The following CLSTN1 variants were observed in gnomAD, a reference collection of about 807,000 sequenced individuals.
CLSTN1 encodes calsyntenin 1.
A neutral mutation model predicts 108.3 loss-of-function variants in CLSTN1; 28 were observed. That is an observed-to-expected ratio of 0.26 (90% confidence interval 0.19 to 0.35). CLSTN1 has a LOEUF of 0.35. Ranked by LOEUF, CLSTN1 falls within the 10% of genes least tolerant of loss-of-function variation. The pLI, the probability that CLSTN1 is intolerant of heterozygous loss-of-function variation, is 1.00. For synonymous variants in CLSTN1, 524 were observed against 534.9 expected (o/e 0.98, Z 0.28); for missense variants, 1,157 against 1,302.6 (o/e 0.89, Z 1.72).
Position 9,823,352 on chromosome 1 carries a change from G to A in CLSTN1, c.91+291C>T, listed in dbSNP as rs1291619191. ...CATGGGCTGCAGTGGGGGCAGCCCA[G>A]GCTCAGGAGCCCCGCCCGGGACGGA... On this transcript the variant is annotated intron_variant, in intron 1 of 18. Coordinates refer to ENST00000377298, the MANE Select transcript of CLSTN1 (RefSeq NM_001009566.3). This position sits in a 1 kb window ranked among gnomAD's most constrained non-coding sequence, Gnocchi z 6.3. 6.6e-6 allele frequency among the ~76,000 whole-genome samples: 1 copy of A among 152,168 alleles called. No individual in the cohort carries two copies. The highest frequency in any genetic ancestry group is 1.5e-5 in the Non-Finnish European group (1 of 68,004).
At chr1:9,808,198 G>C (rs551868190) in intron 1 of CLSTN1, among the ~76,000 whole-genome samples, 1 of 152,164 alleles carries the variant, frequency 6.6e-6, no homozygotes, top group African/African-American at 2.4e-5. Context: ...TCCCATATGC[G>C]GGTGTCACAG....
At chr1:9,752,589 G>T (rs866365484) in intron 4 of CLSTN1, among the ~76,000 whole-genome samples, 67 of 152,094 alleles carry the variant, frequency 4.4e-4, no homozygotes, top group African/African-American at 1.6e-3. Context: ...CTCAGGGCCG[G>T]GTGTGGTGGC....
rs754125933 is a variant in CLSTN1, at chr1:9,734,078, C to T, written c.2175G>A (p.Glu725=). The T allele has an allele frequency of 1.2e-6, 2 of 1,614,098 alleles. No homozygotes were observed. The highest frequency in any genetic ancestry group is 8.5e-7 in the Non-Finnish European group (1 of 1,180,050). Reference sequence around the variant, plus strand: ...CCTGCTCGTGGTTCAGCTCCTCTCCCTCCACCGTGACCTCACAGGTATCCA... The same window carrying T: ...CCTGCTCGTGGTTCAGCTCCTCTCCTTCCACCGTGACCTCACAGGTATCCA... ...HDLDTCEVTV[E]GEELNHEQES... The change falls in exon 15 of 19, where the codon GAG becomes GAA. Residue 725 remains glutamate, a synonymous_variant. Coordinates refer to ENST00000377298, the MANE Select transcript of CLSTN1 (RefSeq NM_001009566.3). The surrounding 1 kb of genome is among the most constrained non-coding windows in gnomAD (Gnocchi z 4.8).
intron 1 of CLSTN1, among the ~76,000 whole-genome samples, chr1:9,815,944 A>T (rs188106495): frequency 0.095 from 14,503 of 152,098 alleles, 892 homozygotes; most frequent in Non-Finnish European, 0.15. Context: ...TCAAAAAAAA[A>T]TTTTTTTAAT....
In CLSTN1 at chr1:9,779,855, C is replaced by CTTTTT. The variant is rs770514487; in HGVS notation, c.92-6466_92-6462dup. On this transcript the variant is annotated intron_variant, in intron 1 of 18. Transcript: ENST00000377298. ...TTGTTTGTTACCAATCTTTCACTTT[C>CTTTTT]TTTTTTTTTTTGAGATGGAGTCTCA... 3.8e-3 allele frequency among the ~76,000 whole-genome samples: 558 copies of CTTTTT among 146,676 alleles called. 11 individuals carry two copies. In the East Asian group the frequency reaches 0.042, roughly 11 times the overall value.
Position 9,735,760 on chromosome 1 carries a change from A to G in CLSTN1, c.1734+125T>C, listed in dbSNP as rs1376558597. On this transcript the variant is annotated intron_variant, in intron 12 of 18. Transcript: ENST00000377298. Reference sequence around the variant, plus strand: ...AGAAAAGCTCGTTTAAGTCCAGTGAACACAACTCTTTTACCCAACAGTAAA... The same window carrying G: ...AGAAAAGCTCGTTTAAGTCCAGTGAGCACAACTCTTTTACCCAACAGTAAA... The G allele has an allele frequency of 2.0e-6, 3 of 1,499,610 alleles. No individual in the cohort carries two copies. In the Admixed American group the frequency reaches 5.7e-5, roughly 28 times the overall value. The allele number at this position is 1,499,610 out of a possible 1,614,324, so 92.9% of individuals were successfully genotyped here.
Position 9,783,029 on chromosome 1 carries a change from G to A in CLSTN1, c.92-9635C>T, listed in dbSNP as rs569629857. ...CTCAAAAAGAAAAAGAGAGAGAGAG[G>A]CTGGACCCATGCCTAAGTCTCACAA... On this transcript the variant is annotated intron_variant, in intron 1 of 18. Coordinates refer to ENST00000377298, the MANE Select transcript of CLSTN1 (RefSeq NM_001009566.3). Among the ~76,000 whole-genome samples the A allele has an allele frequency of 2.6e-5, 4 of 151,912 alleles. No individual in the cohort carries two copies. In the South Asian group the frequency reaches 8.3e-4, roughly 32 times the overall value.
At chr1:9,776,412 G>A (rs1652944320) in intron 1 of CLSTN1, among the ~76,000 whole-genome samples, 1 of 152,134 alleles carries the variant, frequency 6.6e-6, no homozygotes, top group South Asian at 2.1e-4. Flanking sequence ...TTTCGGTTTT[G>A]TGAGATGAAA....
In CLSTN1 at chr1:9,823,628, A is replaced by C; in HGVS notation, c.91+15T>G. Reference sequence around the variant, plus strand: ...CCGCACCGACCCAGCGGCCCGGCCCAGCCCCGGGGCTTACCTCGCGCGGCC... The same window carrying C: ...CCGCACCGACCCAGCGGCCCGGCCCCGCCCCGGGGCTTACCTCGCGCGGCC... On this transcript the variant is annotated intron_variant, in intron 1 of 18. Coordinates refer to ENST00000377298, the MANE Select transcript of CLSTN1 (RefSeq NM_001009566.3). The surrounding 1 kb of genome is among the most constrained non-coding windows in gnomAD (Gnocchi z 6.3). The C allele has an allele frequency of 8.5e-7, 1 of 1,178,548 alleles. No individual in the cohort carries two copies. The highest frequency in any genetic ancestry group is 1.1e-6 in the Non-Finnish European group (1 of 952,144). 73.0% of individuals were successfully genotyped at this position (1,178,548 alleles called of 1,614,324 possible).
chr1:9,744,266 C>T, intron 8 of CLSTN1, 129 bp downstream of exon 8: 1 of 1,365,060 alleles, frequency 7.3e-7, no homozygotes. Flanking sequence ...GCCCCAGGCA[C>T]ACAGCATGGC....
intron 1 of CLSTN1, among the ~76,000 whole-genome samples, chr1:9,800,557 G>GGA (rs1405749137): frequency 2.4e-3 from 182 of 77,322 alleles, no homozygotes; most frequent in African/African-American, 8.8e-3. Context: ...GTCTCCACTA[G>GGA]AAAAAAAAAA....
At chr1:9,743,434 T>C (rs1651079811) in intron 9 of CLSTN1, among the ~76,000 whole-genome samples, 1 of 152,188 alleles carries the variant, frequency 6.6e-6, no homozygotes, top group Non-Finnish European at 1.5e-5. Flanking sequence ...CTGGGTGTGG[T>C]GGCATGTGTC....
intron 13 of CLSTN1, 80 bp from the exon 14 acceptor site, chr1:9,735,254 G>A: frequency 1.1e-5 from 17 of 1,492,738 alleles, no homozygotes; most frequent in Non-Finnish European, 1.6e-5. Context: ...CATGGAGGTG[G>A]GATACAGAGG....
At chr1:9,812,566 G>A (rs187712983) in intron 1 of CLSTN1, among the ~76,000 whole-genome samples, 2 of 152,282 alleles carry the variant, frequency 1.3e-5, no homozygotes, top group Admixed American at 6.5e-5. Context: ...CCTATTGCTG[G>A]CTGGGCACGG....
intron 1 of CLSTN1, among the ~76,000 whole-genome samples, chr1:9,799,150 C>T (rs181587277): frequency 2.6e-5 from 4 of 152,124 alleles, no homozygotes; most frequent in Non-Finnish European, 4.4e-5. Flanking sequence ...CACTGAACTC[C>T]AGCCTGGGTG....
rs559805874 is a variant in CLSTN1, at chr1:9,736,096, A to G, written c.1577-54T>C. On this transcript the variant is annotated intron_variant, in intron 11 of 18. Transcript: ENST00000377298. ...CAGGCGTGCAACCCAGCATCGCCCA[A>G]CTCACTTCTCACTCAACACGGTGTT... The G allele has an allele frequency of 2.5e-3, 3,950 of 1,608,408 alleles. 13 individuals carry two copies. The highest frequency in any genetic ancestry group is 3.0e-3 in the Non-Finnish European group (3,585 of 1,176,216).
rs998690593 is a variant in CLSTN1, at chr1:9,794,567, C to A, written c.92-21173G>T. Among the ~76,000 whole-genome samples, 3 of 151,376 alleles carry A rather than the reference C, an allele frequency of 2.0e-5. 1 individual carries two copies. In the East Asian group the frequency reaches 5.9e-4, roughly 30 times the overall value. On this transcript the variant is annotated intron_variant, in intron 1 of 18. Transcript: ENST00000377298. ...CAAATGATCTACCTGCCTCAGCCTC[C>A]GAAAGTGCTGAGATTACAGGCATGA...
chr1:9,768,591 T>C (rs1263774650), intron 2 of CLSTN1, among the ~76,000 whole-genome samples: 38 of 48,876 alleles, frequency 7.8e-4, no homozygotes, highest in East Asian at 1.2e-3. Flanking sequence ...CTGTGCTGGG[T>C]GGCACCATGG....
chr1:9,784,151 G>A (rs1471028826), intron 1 of CLSTN1, among the ~76,000 whole-genome samples: 8 of 137,422 alleles, frequency 5.8e-5, no homozygotes, highest in African/African-American at 8.3e-5. Flanking sequence ...CAGCCTGGGC[G>A]ACAGGAGCGA....
Sources: allele counts gnomAD v4.1 joint callset (sites outside exome capture counted in the v4.1 genomes callset), GRCh38; gene constraint gnomAD v4.1.1; non-coding constraint Gnocchi (gnomAD v3.1); transcripts MANE v1.5; gene names NCBI Gene and HGNC (gene_info 2026-07-23, HGNC 2026-07-21).